Variants in MAP3K15 observed in about 807,000 individuals in gnomAD.
MAP3K15 encodes MAPK/ERK kinase kinase 15.
A neutral mutation model predicts 99.5 loss-of-function variants in MAP3K15; 124 were observed. The ratio of observed to expected loss-of-function variants is 1.25; its 90% CI spans 1.08 to 1.45. The LOEUF is 1.45. MAP3K15 is among the 40% of genes most tolerant of loss of function. The pLI is 0.00. For missense variants in MAP3K15, 1,242 were observed against 1,079.7 expected (o/e 1.15, Z -2.11); for synonymous variants, 494 against 439.6 (o/e 1.12, Z -1.55).
At chrX:19,421,073 A>G (rs1404300014) in intron 9 of MAP3K15, among the ~76,000 whole-genome samples, 2 of 111,020 alleles carry the variant, frequency 1.8e-5, no homozygotes, top group Non-Finnish European at 3.8e-5. Flanking sequence ...CACAGCCAAT[A>G]TCATACTGAA....
At chrX:19,507,347 T>C (rs2064484252) in intron 1 of MAP3K15, among the ~76,000 whole-genome samples, 1 of 109,645 alleles carries the variant, frequency 9.1e-6, no homozygotes, top group African/African-American at 3.3e-5. Context: ...GCAACTTGCC[T>C]CAAGTCTTTA....
chrX:19,440,898 C>T (rs1360048618), intron 6 of MAP3K15, among the ~76,000 whole-genome samples: 6 of 112,428 alleles, frequency 5.3e-5, no homozygotes, highest in Admixed American at 4.7e-4. Context: ...GATTAGGACA[C>T]GAGACTGACT....
intron 6 of MAP3K15, among the ~76,000 whole-genome samples, chrX:19,451,452 A>T (rs1366930066): frequency 1.7e-4 from 18 of 105,712 alleles, no homozygotes; most frequent in African/African-American, 6.1e-4. Context: ...ATATATAAAA[A>T]AAAAAACCCT....
In MAP3K15 at chrX:19,402,724, G is replaced by A. The variant is rs1406488997; in HGVS notation, c.1845-2061C>T. Among the ~76,000 whole-genome samples the A allele has an allele frequency of 3.6e-5, 4 of 111,502 alleles. No individual in the cohort carries two copies. In the East Asian group the frequency reaches 8.4e-4, roughly 23 times the overall value. ...CTGTCACCTAGCCTGGAGTGCAGTG[G>A]CGTGATCATGGTTCACTGCAGTCTC... On this transcript the variant is annotated intron_variant, in intron 13 of 28. Transcript: ENST00000338883.
Position 19,361,340 on chromosome X carries a change from G to T in MAP3K15, c.3856C>A (p.Arg1286=). The stretch of plus-strand genomic sequence containing the variant: ...TACAAACTGTTTTGAGGCTCTTACC[G>T]TAGTCGAAGGTATCTTAGATCTTCC... ...TKEDLRYLRL[R]GGLLCRLWSA... The change falls in exon 28 of 29, where the codon CGG becomes AGG. Residue 1286 remains arginine (R), a splice_region_variant and synonymous_variant. Coordinates refer to ENST00000338883, the MANE Select transcript of MAP3K15 (RefSeq NM_001001671.4). The T allele has an allele frequency of 1.7e-6, 2 of 1,194,989 alleles. No individual in the cohort carries two copies. Among genetic ancestry groups the T allele is most frequent in the South Asian group, 1.8e-5 (1 of 56,004 alleles).
chrX:19,362,813 G>GGT lies in MAP3K15; in HGVS notation c.3602_3603dup (p.Gln1202ThrfsTer9). The GGT allele has an allele frequency of 8.4e-7, 1 of 1,183,479 alleles. No homozygotes were observed. The highest frequency in any genetic ancestry group is 2.5e-4 in the Middle Eastern group (1 of 4,080). On this transcript the variant is annotated frameshift_variant, in exon 26 of 29. Transcript: ENST00000338883. LOFTEE classifies it high-confidence loss of function. ...TCTAGAGTTTGCCGCAGAAGATTCT[G>GGT]GTACTCTCTCTCTTTTTCAACTAGG...
In MAP3K15 at chrX:19,370,886, C is replaced by CT. The variant is rs1351693359; in HGVS notation, c.3400+72dup. 8 of 778,576 alleles carry CT rather than the reference C, an allele frequency of 1.0e-5. No homozygotes were observed. The Admixed American group carries it at 1.1e-4, about 11-fold the overall frequency. 64.2% of individuals were successfully genotyped at this position (778,576 alleles called of 1,213,427 possible). On this transcript the variant is annotated intron_variant, in intron 24 of 28. Transcript: ENST00000338883. ...AAGATGGAAAAGAGAAAAGCAACAA[C>CT]TGTTGAATGAAGAGGATATTTCTTA...
At chrX:19,509,966 C>T (rs1036356804) in intron 1 of MAP3K15, among the ~76,000 whole-genome samples, 1 of 111,380 alleles carries the variant, frequency 9.0e-6, no homozygotes, top group African/African-American at 3.3e-5. Context: ...ACTATAAACA[C>T]ATCTACACAA....
At chrX:19,459,811 T>C (rs1456274599) in intron 5 of MAP3K15, among the ~76,000 whole-genome samples, 174 bp downstream of exon 5, 1 of 111,641 alleles carries the variant, frequency 9.0e-6, no homozygotes. Flanking sequence ...GATCGCACCA[T>C]TGCACTCCAG....
At chrX:19,470,546 T>TAAAAAAAAAAAAA in intron 3 of MAP3K15, among the ~76,000 whole-genome samples, 1 of 97,358 alleles carries the variant, frequency 1.0e-5, no homozygotes, top group Non-Finnish European at 2.0e-5. Flanking sequence ...AAACTTAAAT[T>TAAAAAAAAAAAAA]AAAAAAAAAA....
In MAP3K15 at chrX:19,395,108, T is replaced by C. The variant is rs1188957163; in HGVS notation, c.2167A>G (p.Lys723Glu). ...CCAGGCACCTGCTCCATAAATATCT[T>C]AATGTAGCCGTTCTCTGAAACAGAG... ...LGSVSENGYIKIFMEQVPGGS... is the reference protein window; with the variant it reads ...LGSVSENGYIEIFMEQVPGGS... Residue 723 changes from lysine (K) to glutamate (E), a missense_variant, in exon 16 of 29, where the codon AAG becomes GAG. Physicochemically the swap from Lys to Glu is moderately conservative, Grantham distance 56. Coordinates refer to ENST00000338883, the MANE Select transcript of MAP3K15 (RefSeq NM_001001671.4). 1 of 1,205,835 alleles carries C rather than the reference T, an allele frequency of 8.3e-7. No homozygotes were observed. The highest frequency in any genetic ancestry group is 1.1e-6 in the Non-Finnish European group (1 of 893,069).
intron 1 of MAP3K15, among the ~76,000 whole-genome samples, chrX:19,503,317 G>A (rs2064453353): frequency 8.9e-6 from 1 of 111,749 alleles, no homozygotes; most frequent in South Asian, 3.8e-4. Flanking sequence ...TGTATCAGAG[G>A]GCTGCCTGTT....
intron 1 of MAP3K15, among the ~76,000 whole-genome samples, chrX:19,502,913 G>A (rs2064449723): frequency 9.0e-6 from 1 of 111,666 alleles, no homozygotes; most frequent in African/African-American, 3.3e-5. Flanking sequence ...TATGGGGACG[G>A]AAACCAGGAT....
chrX:19,488,903 G>A lies in MAP3K15; in HGVS notation c.426C>T (p.Val142=). 8.3e-7 allele frequency: 1 copy of A among 1,198,755 alleles called. No individual in the cohort carries two copies. The highest frequency in any genetic ancestry group is 1.8e-5 in the South Asian group (1 of 56,888). ...TATTGGCCATGTCAAAGCTTTCTCGGACTCCAAGATGGTAGAAGAGGGAAG... is the reference window on the plus strand; with the variant it reads ...TATTGGCCATGTCAAAGCTTTCTCGAACTCCAAGATGGTAGAAGAGGGAAG... ...RQPSLFYHLG[V]RESFDMANNV... is the part of the protein sequence containing the mutation. Residue 142 remains valine, a synonymous_variant, in exon 2 of 29, where the codon GTC becomes GTT. Transcript: ENST00000338883.
intron 3 of MAP3K15, among the ~76,000 whole-genome samples, chrX:19,471,642 C>G (rs1365855351): frequency 9.0e-6 from 1 of 111,258 alleles, no homozygotes; most frequent in African/African-American, 3.3e-5. Flanking sequence ...GCAAAGAGGT[C>G]CACACCCAGA....
Position 19,413,340 on chromosome X carries a change from T to G in MAP3K15, c.1698+17A>C, listed in dbSNP as rs199779877. 3,765 of 1,146,556 alleles carry G rather than the reference T, an allele frequency of 3.3e-3. 12 individuals carry two copies. The highest frequency in any genetic ancestry group is 0.012 in the South Asian group (645 of 53,223). The allele number at this position is 1,146,556 out of a possible 1,213,427, so 94.5% of individuals were successfully genotyped here. ...ATTTGAAAACTGATTAAATTGCTTGTGATTTTTCCTCCTTACCATTTCTGT... is the reference window on the plus strand; with the variant it reads ...ATTTGAAAACTGATTAAATTGCTTGGGATTTTTCCTCCTTACCATTTCTGT... On this transcript the variant is annotated intron_variant, in intron 11 of 28. Transcript: ENST00000338883.
In MAP3K15 at chrX:19,515,010, C is replaced by A; in HGVS notation, c.252G>T (p.Arg84=). ...CCTCGCAGGCCCGCAGCAGGCACTG[C>A]CGCGCCCCAGCCTCCGGGCCGCCGG... ...GAAGGPEAGA[R]QCLLRACEAE... The change falls in exon 1 of 29, where the codon CGG becomes CGT. Residue 84 remains arginine, a synonymous_variant. Coordinates refer to ENST00000338883, the MANE Select transcript of MAP3K15 (RefSeq NM_001001671.4). 2 of 1,097,408 alleles carry A rather than the reference C, an allele frequency of 1.8e-6. No individual in the cohort carries two copies. The highest frequency in any genetic ancestry group is 3.8e-5 in the East Asian group (1 of 26,452). 90.4% of individuals were successfully genotyped at this position (1,097,408 alleles called of 1,213,427 possible).
At chrX:19,447,940 CTTCTCT>C (rs2064013215) in intron 6 of MAP3K15, among the ~76,000 whole-genome samples, 2 of 99,351 alleles carry the variant, frequency 2.0e-5, no homozygotes, top group Non-Finnish European at 4.1e-5. Context: ...TGTCTCCCAC[CTTCTCT>C]TTATCAATGT....
intron 3 of MAP3K15, among the ~76,000 whole-genome samples, chrX:19,471,171 C>G (rs1347987406): frequency 9.0e-6 from 1 of 111,231 alleles, no homozygotes; most frequent in South Asian, 3.7e-4. Flanking sequence ...ATTAAGTGCA[C>G]CAACATATGT....
Sources: gnomAD v4.1 joint callset for allele counts (sites outside exome capture counted in the v4.1 genomes callset) on GRCh38, gnomAD v4.1.1 for gene constraint, MANE v1.5 for transcripts, NCBI Gene and HGNC (gene_info 2026-07-23, HGNC 2026-07-21) for gene names.